Variants in CPNE4 observed in about 807,000 individuals in gnomAD.
CPNE4 encodes copine-4.
Under a neutral mutation model 67.9 loss-of-function variants are expected in CPNE4, and 25 were observed. The observed-to-expected ratio is 0.37, with a 90% CI of 0.27 to 0.51. The LOEUF is 0.51. Among genes scored for constraint, CPNE4 ranks in the 20% least tolerant of loss-of-function variants. The pLI is 0.93. For missense variants in CPNE4, 464 were observed against 690.8 expected (o/e 0.67, Z 3.68); for synonymous variants, 242 against 244.9 (o/e 0.99, Z 0.11).
chr3:132,000,156 AG>A (rs1385653393), intron 1 of CPNE4, among the ~76,000 whole-genome samples: 2 of 152,030 alleles, frequency 1.3e-5, no homozygotes, highest in Non-Finnish European at 2.9e-5. Flanking sequence ...AGAACAAGAT[AG>A]GATAGATAAA....
At chr3:131,898,192 C>T (rs1205211434) in intron 2 of CPNE4, among the ~76,000 whole-genome samples, 1 of 152,034 alleles carries the variant, frequency 6.6e-6, no homozygotes, top group Non-Finnish European at 1.5e-5. Context: ...AAAAATACCT[C>T]CTTTGAAATG....
At position 131,717,874 on chromosome 3, in the gene CPNE4, T is replaced by TTTTCTTTCTTTC. The variant is rs71136405; in HGVS notation, c.360+5560_360+5571dup. ...CCTCGCTCCCTCCTTTCTTTCTTTC[T>TTTTCTTTCTTTC]TTTCTTTCTTTCTTTCTTTCTTTCT... On this transcript the variant is annotated intron_variant, in intron 3 of 15. Transcript: ENST00000429747. Among the ~76,000 whole-genome samples, 69 of 97,040 alleles carry TTTTCTTTCTTTC rather than the reference T, an allele frequency of 7.1e-4. 1 individual carries two copies. The highest frequency in any genetic ancestry group is 1.5e-3 in the East Asian group (5 of 3,382). The allele number at this position is 97,040 out of a possible 152,430, so 63.7% of individuals were successfully genotyped here.
At chr3:131,543,188 A>G (rs566669634) in intron 14 of CPNE4, 1 of 165,666 alleles carries the variant, frequency 6.0e-6, no homozygotes, top group Admixed American at 5.8e-5. Context: ...TTACTTGAAG[A>G]TATTTAAAAA....
chr3:131,766,561 C>CA (rs908246217), intron 2 of CPNE4, among the ~76,000 whole-genome samples: 2 of 152,102 alleles, frequency 1.3e-5, no homozygotes, highest in Non-Finnish European at 2.9e-5. Flanking sequence ...GAGATGGGCA[C>CA]AATTGGCTCC....
intron 2 of CPNE4, among the ~76,000 whole-genome samples, chr3:131,790,465 T>G (rs1030536115): frequency 1.3e-5 from 2 of 152,128 alleles, no homozygotes; most frequent in Non-Finnish European, 2.9e-5. Context: ...CTTGCCTGGC[T>G]CTAACAGGCA....
chr3:132,033,892 G>T (rs994444772), intron 1 of CPNE4, among the ~76,000 whole-genome samples: 2 of 152,170 alleles, frequency 1.3e-5, no homozygotes, highest in African/African-American at 4.8e-5. Flanking sequence ...GCTGTGGCTT[G>T]GTTTCAGTGG....
intron 12 of CPNE4, 21 bp downstream of exon 12, chr3:131,555,476 A>T (rs185151792): frequency 6.2e-6 from 10 of 1,607,588 alleles, no homozygotes; most frequent in Non-Finnish European, 8.5e-6. Context: ...GTGGAAGAAG[A>T]TCACATCTCC....
rs774900370 is a variant in CPNE4, at chr3:131,669,683, G to C, written c.673C>G (p.Arg225Gly). ...NSLCSGDPDR[R>G]LKCIVWDWDS... ...GGACACAGATTTCTGACCTTTAGCCGGCGGTCTGGGTCTCCGCTGCATAGA... is the reference window on the plus strand; with the variant it reads ...GGACACAGATTTCTGACCTTTAGCCCGCGGTCTGGGTCTCCGCTGCATAGA... The change falls in exon 7 of 16, where the codon CGG becomes GGG. Residue 225 changes from arginine to glycine, a missense_variant. Physicochemically the swap from Arg to Gly is moderately radical, Grantham distance 125. Coordinates refer to ENST00000429747, the MANE Select transcript of CPNE4 (RefSeq NM_130808.3). 3.1e-6 allele frequency: 5 copies of C among 1,609,602 alleles called. No homozygotes were observed. In the African/African-American group the frequency reaches 6.7e-5, roughly 22 times the overall value.
intron 7 of CPNE4, among the ~76,000 whole-genome samples, chr3:131,617,507 T>C (rs776316245): frequency 2.0e-5 from 3 of 152,318 alleles, no homozygotes; most frequent in Non-Finnish European, 4.4e-5. Flanking sequence ...TCAGATACTC[T>C]GATTTCTAAT....
chr3:131,895,137 T>C (rs1349125299), intron 2 of CPNE4, among the ~76,000 whole-genome samples: 3 of 152,028 alleles, frequency 2.0e-5, no homozygotes, highest in Non-Finnish European at 4.4e-5. Flanking sequence ...ATCTTACTTA[T>C]ATGTAGAATC....
chr3:131,575,033 T>A, intron 10 of CPNE4, 38 bp downstream of exon 10: 1 of 1,581,952 alleles, frequency 6.3e-7, no homozygotes, highest in Non-Finnish European at 8.7e-7. Flanking sequence ...TCTTGATTCC[T>A]GAATAAGAAT....
chr3:131,643,627 G>A (rs551562249), intron 7 of CPNE4, among the ~76,000 whole-genome samples: 4 of 152,266 alleles, frequency 2.6e-5, no homozygotes, highest in African/African-American at 7.2e-5. Flanking sequence ...GCCAGTGGTG[G>A]AATGATATAG....
intron 2 of CPNE4, among the ~76,000 whole-genome samples, chr3:131,774,274 A>C (rs576259498): frequency 1.3e-5 from 2 of 152,174 alleles, no homozygotes; most frequent in East Asian, 3.9e-4. Context: ...CCAGCCAAAA[A>C]TACAGCAGGG....
chr3:131,799,705 G>A (rs2084021706), intron 2 of CPNE4, among the ~76,000 whole-genome samples: 1 of 152,118 alleles, frequency 6.6e-6, no homozygotes, highest in Non-Finnish European at 1.5e-5. Context: ...TTCAGCCACT[G>A]CAATCACTCA....
intron 11 of CPNE4, among the ~76,000 whole-genome samples, chr3:131,556,320 G>C (rs1024873735): frequency 2.0e-5 from 3 of 152,030 alleles, no homozygotes; most frequent in Non-Finnish European, 4.4e-5. Context: ...AGGCTGCAGT[G>C]AGCTAAGAAT....
At chr3:131,956,510 T>C (rs989478941) in intron 1 of CPNE4, among the ~76,000 whole-genome samples, 3 of 152,204 alleles carry the variant, frequency 2.0e-5, no homozygotes, top group African/African-American at 7.2e-5. Context: ...CAGAAGAGCA[T>C]ACTCATTACT....
intron 10 of CPNE4, among the ~76,000 whole-genome samples, chr3:131,570,308 T>C (rs1937268672): frequency 1.4e-5 from 2 of 141,164 alleles, no homozygotes; most frequent in African/African-American, 5.6e-5. Flanking sequence ...ATTTTCTCTT[T>C]TTATTTATTT....
At chr3:131,775,506 A>G (rs2083270513) in intron 2 of CPNE4, among the ~76,000 whole-genome samples, 1 of 151,988 alleles carries the variant, frequency 6.6e-6, no homozygotes, top group South Asian at 2.1e-4. Context: ...GTGTTATGGG[A>G]GGGACACAGT....
chr3:131,723,224 A>G (rs2081929592), intron 3 of CPNE4, among the ~76,000 whole-genome samples: 1 of 152,190 alleles, frequency 6.6e-6, no homozygotes, highest in Non-Finnish European at 1.5e-5. Flanking sequence ...CAGAAGAGAA[A>G]GTTCTGAATT....
Sources: allele counts gnomAD v4.1 joint callset (sites outside exome capture counted in the v4.1 genomes callset), GRCh38; gene constraint gnomAD v4.1.1; transcripts MANE v1.5; gene names NCBI Gene and HGNC (gene_info 2026-07-23, HGNC 2026-07-21).